Variants in SLC38A9 observed in about 807,000 individuals in gnomAD.
SLC38A9 encodes the protein solute carrier family 38 member 9.
SLC38A9 carries 48 observed loss-of-function variants against 62.3 expected under a neutral mutation model. The ratio of observed to expected loss-of-function variants is 0.77; its 90% CI spans 0.61 to 0.98. The LOEUF is 0.98. SLC38A9 is among the 50% of genes least tolerant of loss of function. The probability of loss-of-function intolerance (pLI) is 0.00; values close to 1 mark genes in which losing one functional copy is unlikely to be tolerated. For missense variants in SLC38A9, 541 were observed against 679.8 expected, an observed-to-expected ratio of 0.80 and a Z score of 2.27; for synonymous variants, 204 against 227.7, an observed-to-expected ratio of 0.90 and a Z score of 0.94.
chr5:55,682,511 G>A (rs1753171340), intron 3 of SLC38A9, among the ~76,000 whole-genome samples: 1 of 152,100 alleles, frequency 6.6e-6, no homozygotes, highest in South Asian at 2.1e-4. Context: ...TACATGTATA[G>A]GCTGGGTGTG....
intron 3 of SLC38A9, among the ~76,000 whole-genome samples, chr5:55,681,252 A>C (rs1420235043): frequency 6.6e-6 from 1 of 152,236 alleles, no homozygotes; most frequent in Non-Finnish European, 1.5e-5. Flanking sequence ...TAATAACCGC[A>C]TTTAAAATAA....
intron 12 of SLC38A9, among the ~76,000 whole-genome samples, chr5:55,643,156 G>A (rs556304938): frequency 1.2e-4 from 18 of 152,270 alleles, no homozygotes; most frequent in African/African-American, 4.1e-4. Context: ...TTTTTCTATC[G>A]TCTAAGGTAG....
chr5:55,653,143 T>C (rs1457275805), intron 9 of SLC38A9, among the ~76,000 whole-genome samples: 3 of 152,100 alleles, frequency 2.0e-5, no homozygotes, highest in African/African-American at 7.2e-5. Context: ...ATTTTTGTAT[T>C]TTTAGTAGAG....
At chr5:55,670,182 G>C (rs1751072300) in intron 4 of SLC38A9, among the ~76,000 whole-genome samples, 1 of 117,778 alleles carries the variant, frequency 8.5e-6, no homozygotes, top group African/African-American at 2.9e-5. Context: ...AGCCAGGATG[G>C]TCTCGATCTC....
rs1306701258 is a variant in SLC38A9 at position 55,669,794 on chromosome 5, G to C, written c.332C>G (p.Thr111Ser). The change falls in exon 5 of 16, where the codon ACT becomes AGT. Residue 111 changes from threonine to serine, a missense_variant. Coordinates refer to ENST00000396865, the MANE Select transcript of SLC38A9 (RefSeq NM_173514.4). ...ACTGGTGTTTTTACCGTATCCTTCAGTGTAACTTTGAAGTTTATAAGCAGA... is the reference window on the plus strand; with the variant it reads ...ACTGGTGTTTTTACCGTATCCTTCACTGTAACTTTGAAGTTTATAAGCAGA... ...LGSAYKLQSYTEGYGKNTSLV... is the reference protein window; with the variant it reads ...LGSAYKLQSYSEGYGKNTSLV... 6.2e-7 allele frequency: 1 copy of C among 1,613,754 alleles called. No individual in the cohort carries two copies. Among genetic ancestry groups the C allele is most frequent in the African/African-American group, 1.3e-5 (1 of 74,892 alleles).
intron 14 of SLC38A9, among the ~76,000 whole-genome samples, chr5:55,631,730 A>G (rs1743484640): frequency 6.6e-6 from 1 of 152,238 alleles, no homozygotes; most frequent in Non-Finnish European, 1.5e-5. Context: ...TTTAAACAAG[A>G]ACTGATTAAG....
chr5:55,662,592 C>T (rs1018157688), intron 8 of SLC38A9, among the ~76,000 whole-genome samples: 1 of 151,418 alleles, frequency 6.6e-6, no homozygotes. Flanking sequence ...ATCGCTTGAA[C>T]CTGGGAGGCA....
chr5:55,647,250 A>T (rs1223082584), intron 11 of SLC38A9, among the ~76,000 whole-genome samples: 1 of 152,044 alleles, frequency 6.6e-6, no homozygotes, highest in Non-Finnish European at 1.5e-5. Context: ...TTCTGCAATA[A>T]ACACAAAGCT....
intron 12 of SLC38A9, among the ~76,000 whole-genome samples, chr5:55,638,480 T>C (rs569679653): frequency 3.0e-4 from 46 of 152,314 alleles, no homozygotes; most frequent in African/African-American, 1.1e-3. Flanking sequence ...GTCTTGTGAA[T>C]AAGAAATGGC....
Position 55,651,246 on chromosome 5 carries a change from A to ATTTTT in SLC38A9, c.952+1282_952+1283insAAAAA, listed in dbSNP as rs1371252740. 1.0e-3 allele frequency among the ~76,000 whole-genome samples: 114 copies of ATTTTT among 114,106 alleles called. 31 individuals carry two copies. The highest frequency in any genetic ancestry group is 5.6e-3 in the Middle Eastern group (1 of 178). 74.9% of individuals were successfully genotyped at this position (114,106 alleles called of 152,430 possible). A position where few individuals can be genotyped will look rare whatever the true frequency, so the allele number is the denominator to read the frequency against. ...TTTCACTGGGGGGGTTCCTTTTGCCATCTTTTTTTTTTTTTTTTTTTTAAG... is the reference window on the plus strand; with the variant it reads ...TTTCACTGGGGGGGTTCCTTTTGCCATTTTTTCTTTTTTTTTTTTTTTTTTTTAAG... On this transcript the variant is annotated intron_variant, in intron 10 of 15. Transcript: ENST00000396865.
rs1337597070 is a variant in SLC38A9, at chr5:55,652,517, G to A, written c.952+12C>T. On this transcript the variant is annotated intron_variant, in intron 10 of 15. Transcript: ENST00000396865. ...TTACACAAAGTCTCCATAATTCAGT[G>A]CTACTACTTACCTAGGATATTAAAT... 1 of 1,556,986 alleles carries A rather than the reference G, an allele frequency of 6.4e-7. No homozygotes were observed. Among genetic ancestry groups the A allele is most frequent in the African/African-American group, 1.4e-5 (1 of 73,086 alleles).
intron 3 of SLC38A9, among the ~76,000 whole-genome samples, chr5:55,693,819 G>A (rs962119484): frequency 7.9e-5 from 12 of 152,132 alleles, no homozygotes; most frequent in African/African-American, 2.9e-4. Context: ...CCAACACTTT[G>A]GGAGGGCAAG....
intron 2 of SLC38A9, among the ~76,000 whole-genome samples, chr5:55,701,135 C>T (rs1198322769): frequency 6.6e-6 from 1 of 152,084 alleles, no homozygotes; most frequent in African/African-American, 2.4e-5. Context: ...ATGTGTCTAC[C>T]ATATTAGACA....
chr5:55,639,953 TAAAA>T (rs999214983), intron 12 of SLC38A9, among the ~76,000 whole-genome samples: 6 of 128,282 alleles, frequency 4.7e-5, no homozygotes, highest in African/African-American at 1.4e-4. Flanking sequence ...ATTAAGACAG[TAAAA>T]AAAAAAAAAT....
intron 3 of SLC38A9, 138 bp downstream of exon 3, chr5:55,697,708 C>T (rs970174985): frequency 1.1e-5 from 4 of 380,476 alleles, no homozygotes; most frequent in East Asian, 8.7e-5. Context: ...CTATTTACTT[C>T]TCTCCACATG....
At chr5:55,647,459 T>C (rs1746593710) in intron 11 of SLC38A9, among the ~76,000 whole-genome samples, 1 of 147,768 alleles carries the variant, frequency 6.8e-6, no homozygotes, top group South Asian at 2.2e-4. Context: ...GACTCTGCTA[T>C]ATTATTTTAG....
chr5:55,698,534 C>T (rs908410771), intron 2 of SLC38A9, among the ~76,000 whole-genome samples: 2 of 152,192 alleles, frequency 1.3e-5, no homozygotes, highest in African/African-American at 4.8e-5. Context: ...TTCCCCACTT[C>T]CCCACCACAA....
chr5:55,672,893 A>T, intron 3 of SLC38A9, 198 bp from the exon 4 acceptor site: 1 of 462,720 alleles, frequency 2.2e-6, no homozygotes, highest in Non-Finnish European at 3.7e-6. Context: ...TTTGTCTCAT[A>T]ACACTTTTAC....
intron 2 of SLC38A9, among the ~76,000 whole-genome samples, chr5:55,710,079 AAAAAAAG>A (rs1286169817): frequency 3.2e-5 from 3 of 94,492 alleles, no homozygotes; most frequent in African/African-American, 1.0e-4. Flanking sequence ...AAAAAAAAAA[AAAAAAAG>A]AAAAAAAAAA....
Sources: gnomAD v4.1 joint callset for allele counts (sites outside exome capture counted in the v4.1 genomes callset) on GRCh38, gnomAD v4.1.1 for gene constraint, MANE v1.5 for transcripts, NCBI Gene and HGNC (gene_info 2026-07-23, HGNC 2026-07-21) for gene names.